FSTL4: variants seen among roughly 807,000 people sequenced by gnomAD.
FSTL4 encodes the protein follistatin-related protein 4.
FSTL4 carries 28 observed loss-of-function variants against 78.2 expected under a neutral mutation model. The ratio of observed to expected loss-of-function variants is 0.36; its 90% CI spans 0.27 to 0.49. The LOEUF (loss-of-function observed/expected upper bound fraction) is 0.49, where lower values mean the gene tolerates loss of function less well. Ranked by LOEUF, FSTL4 falls within the 20% of genes least tolerant of loss-of-function variation. The pLI, the probability that FSTL4 is intolerant of heterozygous loss-of-function variation, is 0.98. For missense variants in FSTL4, 922 were observed against 1,084.9 expected (o/e 0.85, Z 2.11); for synonymous variants, 422 against 440.5 (o/e 0.96, Z 0.53).
rs1280804371 is a variant in FSTL4 at position 133,467,279 on chromosome 5, TGTGA to T, written c.161-66297_161-66294del. Among the ~76,000 whole-genome samples, 156 of 151,828 alleles carry T rather than the reference TGTGA, an allele frequency of 1.0e-3. 1 individual carries two copies. Among genetic ancestry groups the T allele is most frequent in the African/African-American group, 2.9e-3 (121 of 41,312 alleles). On this transcript the variant is annotated intron_variant, in intron 3 of 15. Coordinates refer to ENST00000265342, the MANE Select transcript of FSTL4 (RefSeq NM_015082.2). ...GTGAGTGTGTGTGTGTGTGTGTGTGTGTGAGTGTGTATGTGTACACCACTGCATT... is the reference window on the plus strand; with the variant it reads ...GTGAGTGTGTGTGTGTGTGTGTGTGTGTGTGTATGTGTACACCACTGCATT...
rs1753820169 is a variant in FSTL4 at position 133,312,848 on chromosome 5, T to C, written c.604-71A>G. ...AGTCATAGGCATTGATGAAAATGAC[T>C]CAGGCCAAGAGGGAATCCAGGGACA... On this transcript the variant is annotated intron_variant, in intron 5 of 15. Coordinates refer to ENST00000265342, the MANE Select transcript of FSTL4 (RefSeq NM_015082.2). 2.6e-6 allele frequency: 4 copies of C among 1,529,702 alleles called. No homozygotes were observed. In the South Asian group the frequency reaches 4.7e-5, roughly 18 times the overall value. 94.8% of individuals were successfully genotyped at this position (1,529,702 alleles called of 1,614,324 possible).
chr5:133,331,190 T>C (rs562938368), intron 4 of FSTL4, among the ~76,000 whole-genome samples: 1 of 152,328 alleles, frequency 6.6e-6, no homozygotes, highest in South Asian at 2.1e-4. Context: ...CTCCTGTCTC[T>C]GTTCTCCCAA....
intron 1 of FSTL4, among the ~76,000 whole-genome samples, chr5:133,606,649 A>G (rs944242484): frequency 6.6e-6 from 1 of 152,206 alleles, no homozygotes; most frequent in African/African-American, 2.4e-5. Context: ...TCACAGAGTA[A>G]ACACACAGAG....
chr5:133,761,649 T>C, the FSTL4 span, among the ~76,000 whole-genome samples: 1 of 152,212 alleles, frequency 6.6e-6, no homozygotes, highest in African/African-American at 2.4e-5. Context: ...CCCCTCAACG[T>C]CAAGGGAGGC....
chr5:133,209,620 T>G (rs1750639752), intron 14 of FSTL4, among the ~76,000 whole-genome samples: 1 of 152,130 alleles, frequency 6.6e-6, no homozygotes, highest in African/African-American at 2.4e-5. Flanking sequence ...TGACCTTTCT[T>G]GGCTGATGGG....
chr5:133,790,417 T>C, the FSTL4 span, among the ~76,000 whole-genome samples: 723 of 152,334 alleles, frequency 4.7e-3, 6 homozygotes, highest in Non-Finnish European at 7.9e-3. Context: ...GGGAAGTGCC[T>C]AGCAGAGTGC....
the FSTL4 span, among the ~76,000 whole-genome samples, chr5:133,655,292 G>T: frequency 6.6e-6 from 1 of 152,138 alleles, no homozygotes; most frequent in Middle Eastern, 3.4e-3. Context: ...AGAGCCTCTG[G>T]CCCCACCAGC....
chr5:133,400,662 C>G, intron 4 of FSTL4, 76 bp downstream of exon 4: 1 of 1,324,688 alleles, frequency 7.5e-7, no homozygotes, highest in Non-Finnish European at 1.1e-6. Flanking sequence ...GACTCAGCAC[C>G]CAGGTCACTT....
chr5:133,358,726 A>T (rs1755000236), intron 4 of FSTL4, among the ~76,000 whole-genome samples: 1 of 150,048 alleles, frequency 6.7e-6, no homozygotes, highest in African/African-American at 2.5e-5. Flanking sequence ...CAGCCTCCTG[A>T]GTAGCTGGGA....
chr5:133,251,539 A>G (rs1206070998), intron 6 of FSTL4, among the ~76,000 whole-genome samples: 1 of 152,014 alleles, frequency 6.6e-6, no homozygotes, highest in Non-Finnish European at 1.5e-5. Flanking sequence ...CATCCGGACA[A>G]TGAGACACAC....
At chr5:133,461,928 G>A (rs1757602494) in intron 3 of FSTL4, among the ~76,000 whole-genome samples, 1 of 152,150 alleles carries the variant, frequency 6.6e-6, no homozygotes, top group Non-Finnish European at 1.5e-5. Flanking sequence ...TCTCAGCAAG[G>A]ATGAGACAAG....
chr5:133,298,244 TGA>T (rs545406286), intron 6 of FSTL4, among the ~76,000 whole-genome samples: 52 of 152,378 alleles, frequency 3.4e-4, no homozygotes, highest in South Asian at 1.0e-3. Flanking sequence ...GAATGCTGTA[TGA>T]TTACCTGAAA....
At chr5:133,446,356 C>T (rs1425263943) in intron 3 of FSTL4, among the ~76,000 whole-genome samples, 1 of 152,188 alleles carries the variant, frequency 6.6e-6, no homozygotes, top group Non-Finnish European at 1.5e-5. Flanking sequence ...AGGAGAATCG[C>T]CTGAATCCAG....
intron 4 of FSTL4, among the ~76,000 whole-genome samples, chr5:133,337,717 A>T (rs997750541): frequency 9.2e-5 from 14 of 152,154 alleles, no homozygotes; most frequent in Non-Finnish European, 1.3e-4. Context: ...TTCAGGCTGG[A>T]TGTTACAGAG....
Position 133,199,251 on chromosome 5 carries a change from G to T in FSTL4, c.2373C>A (p.Thr791=). The T allele has an allele frequency of 1.2e-6, 2 of 1,613,748 alleles. No homozygotes were observed. The highest frequency in any genetic ancestry group is 1.7e-6 in the Non-Finnish European group (2 of 1,179,706). Residue 791 remains threonine, a synonymous_variant, in exon 16 of 16, where the codon ACC becomes ACA. Transcript: ENST00000265342. This position sits in a 1 kb window ranked among gnomAD's most constrained non-coding sequence, Gnocchi z 4.4. The part of the protein sequence containing the change: ...PAGPAQPWGG[T]HRIMRDSGLF... ...GCCCACTGTCCCTCATGATTCTGTG[G>T]GTACCCCCCCAGGGCTGAGCTGGCC...
At chr5:133,657,611 T>C in the FSTL4 span, among the ~76,000 whole-genome samples, 1 of 152,230 alleles carries the variant, frequency 6.6e-6, no homozygotes, top group Non-Finnish European at 1.5e-5. Context: ...TATGTATTAA[T>C]GTTACTAGAT....
chr5:133,235,291 C>T (rs1751622506), intron 7 of FSTL4, among the ~76,000 whole-genome samples: 1 of 152,040 alleles, frequency 6.6e-6, no homozygotes, highest in Admixed American at 6.5e-5. Flanking sequence ...ACCAGCCTGG[C>T]CAACATGGTG....
intron 3 of FSTL4, among the ~76,000 whole-genome samples, chr5:133,548,035 T>C (rs1236669912): frequency 1.3e-5 from 2 of 152,194 alleles, no homozygotes; most frequent in African/African-American, 2.4e-5. Flanking sequence ...AGGAGAACAA[T>C]GTAGCCTGAT....
intron 8 of FSTL4, among the ~76,000 whole-genome samples, chr5:133,232,735 G>T (rs539153263): frequency 6.6e-6 from 1 of 152,186 alleles, no homozygotes; most frequent in Non-Finnish European, 1.5e-5. Context: ...CCATGAACTG[G>T]ATTAAGATAC....
Sources: gnomAD v4.1 joint callset for allele counts (sites outside exome capture counted in the v4.1 genomes callset) on GRCh38, gnomAD v4.1.1 for gene constraint, Gnocchi (gnomAD v3.1) non-coding constraint, MANE v1.5 for transcripts, NCBI Gene and HGNC (gene_info 2026-07-23, HGNC 2026-07-21) for gene names.